Variants in SMYD4 observed in about 807,000 individuals in gnomAD.
SMYD4 encodes the protein SET and MYND domain containing 4, also known as protein-lysine N-methyltransferase SMYD4.
In SMYD4, 68 loss-of-function variants were observed where a neutral mutation model predicts 72.8. The observed-to-expected ratio is 0.93, with a 90% CI of 0.77 to 1.14. SMYD4 has a LOEUF of 1.14. SMYD4 is among the 50% of genes most tolerant of loss of function. The pLI is 0.00. For synonymous variants in SMYD4, 407 were observed against 388.6 expected (o/e 1.05, Z -0.56); for missense variants, 984 against 1,003.7 (o/e 0.98, Z 0.27).
At chr17:1,783,323 C>A in intron 9 of SMYD4, 37 bp downstream of exon 9, 4 of 1,611,262 alleles carry the variant, frequency 2.5e-6, no homozygotes, top group Non-Finnish European at 3.4e-6. Context: ...CCACAGCAGA[C>A]TGTTCCCGAC....
At chr17:1,784,179 C>T (rs867487673) in intron 8 of SMYD4, 147 bp downstream of exon 8, 26 of 1,275,930 alleles carry the variant, frequency 2.0e-5, no homozygotes, top group Middle Eastern at 4.4e-4. Context: ...GGTTTGGACT[C>T]ACTGGCCTAT....
At chr17:1,816,434 A>G (rs1175249982) in intron 2 of SMYD4, among the ~76,000 whole-genome samples, 2 of 151,636 alleles carry the variant, frequency 1.3e-5, no homozygotes, top group Admixed American at 6.6e-5. Flanking sequence ...CCTGGCTAAC[A>G]AGGTGAAACC....
chr17:1,794,103 ATATTTT>A (rs1441033801), intron 5 of SMYD4, among the ~76,000 whole-genome samples: 2 of 14,790 alleles, frequency 1.4e-4, no homozygotes, highest in African/African-American at 4.4e-4. Flanking sequence ...ATATATATAT[ATATTTT>A]TTTTTTTTTT....
chr17:1,799,970 G>C lies in SMYD4; in HGVS notation c.1424C>G (p.Ala475Gly). Reference sequence around the variant, plus strand: ...AGGACACAATTCAGGTGTCACTGCTGCTTTAAGCTGAGAGGAGTTCACAAT... The same window carrying C: ...AGGACACAATTCAGGTGTCACTGCTCCTTTAAGCTGAGAGGAGTTCACAAT... ...ERIVNSSQLK[A>G]AVTPELCPDV... Residue 475 changes from alanine (A) to glycine (G), a missense_variant, in exon 5 of 11, where the codon GCA becomes GGA. By Grantham distance (60) the Ala-to-Gly change is moderately conservative. Coordinates refer to ENST00000305513, the MANE Select transcript of SMYD4 (RefSeq NM_052928.3). 1 of 1,614,128 alleles carries C rather than the reference G, an allele frequency of 6.2e-7. No homozygotes were observed. Among genetic ancestry groups the C allele is most frequent in the Non-Finnish European group, 8.5e-7 (1 of 1,180,014 alleles).
intron 10 of SMYD4, 182 bp downstream of exon 10, chr17:1,782,853 G>A (rs972601019): frequency 6.8e-5 from 60 of 883,930 alleles, no homozygotes; most frequent in Admixed American, 7.5e-5. Flanking sequence ...TGCAAGCTCC[G>A]CCTCCCAGGA....
chr17:1,797,399 ATC>A (rs1290831484), intron 5 of SMYD4, among the ~76,000 whole-genome samples: 1 of 152,246 alleles, frequency 6.6e-6, no homozygotes, highest in African/African-American at 2.4e-5. Context: ...TAATAGTTGT[ATC>A]TGTTGTCAGC....
At chr17:1,790,201 A>C (rs899775987) in intron 5 of SMYD4, among the ~76,000 whole-genome samples, 1 of 152,240 alleles carries the variant, frequency 6.6e-6, no homozygotes, top group Non-Finnish European at 1.5e-5. Flanking sequence ...TCCAGAAAAG[A>C]ATGATCACAC....
intron 2 of SMYD4, among the ~76,000 whole-genome samples, chr17:1,819,464 G>T (rs116143268): frequency 6.6e-6 from 1 of 152,206 alleles, no homozygotes; most frequent in Admixed American, 6.5e-5. Flanking sequence ...AGCTAAGTTT[G>T]GTCACTTACT....
In SMYD4 at chr17:1,800,686, G is replaced by A; in HGVS notation, c.708C>T (p.Gly236=). The part of the protein sequence containing the change: ...EQLSNASSSI[G]LCVDPLKGRC... ...GACCTTTTAAAGGATCTACGCATAAGCCGATGGATGATGAGGCATTGGAAA... is the reference window on the plus strand; with the variant it reads ...GACCTTTTAAAGGATCTACGCATAAACCGATGGATGATGAGGCATTGGAAA... Residue 236 remains glycine, a synonymous_variant, in exon 5 of 11, where the codon GGC becomes GGT. Coordinates refer to ENST00000305513, the MANE Select transcript of SMYD4 (RefSeq NM_052928.3). 2 of 1,614,182 alleles carry A rather than the reference G, an allele frequency of 1.2e-6. No individual in the cohort carries two copies. Among genetic ancestry groups the A allele is most frequent in the East Asian group, 2.2e-5 (1 of 44,878 alleles).
chr17:1,794,035 A>T (rs865872768), intron 5 of SMYD4, among the ~76,000 whole-genome samples: 1 of 37,692 alleles, frequency 2.7e-5, no homozygotes, highest in Non-Finnish European at 8.8e-5. Flanking sequence ...GTATATATAT[A>T]TGTATGTATA....
At position 1,781,364 on chromosome 17, in the gene SMYD4, G is replaced by A. The variant is rs748416369; in HGVS notation, c.2337C>T (p.Asp779=). Residue 779 remains aspartate, a synonymous_variant, in exon 11 of 11, where the codon GAC becomes GAT. Transcript: ENST00000305513. ...TCTTCTGGAGCTCCTGGATTTCATC[G>A]TCCCATGGGCCACAGTGCAGCGACA... ...EVLSLHCGPW[D]DEIQELQKMK... 4.6e-5 allele frequency: 75 copies of A among 1,614,002 alleles called. No individual in the cohort carries two copies. Among genetic ancestry groups the A allele is most frequent in the Admixed American group, 1.7e-4 (10 of 59,992 alleles).
Position 1,783,435 on chromosome 17 carries a change from C to T in SMYD4, c.2062G>A (p.Glu688Lys), listed in dbSNP as rs764044098. 30 of 1,612,344 alleles carry T rather than the reference C, an allele frequency of 1.9e-5. No individual in the cohort carries two copies. In the Middle Eastern group the frequency reaches 5.5e-4, roughly 29 times the overall value. ...QRLSGCQRDA[E>K]SFLWAEHAVV... ...GCGTGCTCTGCCCACAGGAAGCTCT[C>T]GGCGTCACGCTGGCACCCCGACAGC... Residue 688 changes from glutamate to lysine, a missense_variant, in exon 9 of 11, where the codon GAG (glutamate) becomes AAG (lysine). Coordinates refer to ENST00000305513, the MANE Select transcript of SMYD4 (RefSeq NM_052928.3).
chr17:1,794,841 T>G (rs569507019), intron 5 of SMYD4, among the ~76,000 whole-genome samples: 1 of 152,078 alleles, frequency 6.6e-6, no homozygotes, highest in Non-Finnish European at 1.5e-5. Flanking sequence ...GGTATGAAAC[T>G]GATTAGGTTA....
chr17:1,780,926 AT>A lies in SMYD4; in HGVS notation c.*359del, dbSNP rs916637775. 2.7e-3 allele frequency: 300 copies of A among 109,814 alleles called. No homozygotes were observed. The highest frequency in any genetic ancestry group is 0.012 in the Middle Eastern group (2 of 168). The allele number at this position is 109,814 out of a possible 1,614,324, so 6.8% of individuals were successfully genotyped here. On this transcript the variant is annotated 3_prime_UTR_variant, in exon 11 of 11. Transcript: ENST00000305513. The stretch of plus-strand genomic sequence containing the variant: ...CTTGAGCCACCGCACCCGGCCTCTT[AT>A]TTTTTTTTTTGAGATGGAGTCTCAC...
chr17:1,789,206 G>A lies in SMYD4; in HGVS notation c.1538-1602C>T, dbSNP rs1430833830. ...AGTTCGAGAGTAGCCTGGCCAAAAT[G>A]GCAAAACCCTGTCTCTACTAAAAAC... On this transcript the variant is annotated intron_variant, in intron 5 of 10. Coordinates refer to ENST00000305513, the MANE Select transcript of SMYD4 (RefSeq NM_052928.3). Among the ~76,000 whole-genome samples, 3 of 151,690 alleles carry A rather than the reference G, an allele frequency of 2.0e-5. No homozygotes were observed. The East Asian group carries it at 5.8e-4, about 29-fold the overall frequency.
At chr17:1,789,764 C>CCAAAAAAAAAAT (rs71150816) in intron 5 of SMYD4, among the ~76,000 whole-genome samples, 1 of 90,098 alleles carries the variant, frequency 1.1e-5, no homozygotes, top group Non-Finnish European at 2.4e-5. Flanking sequence ...GACTCTGTCT[C>CCAAAAAAAAAAT]AAAAAAAAAA....
intron 5 of SMYD4, among the ~76,000 whole-genome samples, chr17:1,797,555 G>T (rs1329541655): frequency 6.6e-6 from 1 of 152,210 alleles, no homozygotes; most frequent in East Asian, 1.9e-4. Context: ...GGCCCCTTGA[G>T]GTTTGGCCAC....
rs139015002 is a variant in SMYD4, at chr17:1,813,693, G to C, written c.135-1578C>G. Among the ~76,000 whole-genome samples, 51 of 152,222 alleles carry C rather than the reference G, an allele frequency of 3.4e-4. 1 individual carries two copies. The East Asian group carries it at 9.7e-3, about 29-fold the overall frequency. ...GGCCTCCCAAAGTGCTAGATCACAG[G>C]TGTGAGCCACTGTGCCTGGCCTCTT... On this transcript the variant is annotated intron_variant, in intron 2 of 10. Transcript: ENST00000305513.
chr17:1,795,448 C>CTA (rs1555575940), intron 5 of SMYD4, among the ~76,000 whole-genome samples: 1 of 121,488 alleles, frequency 8.2e-6, no homozygotes, highest in African/African-American at 3.0e-5. Context: ...TCTATCTAAT[C>CTA]ATCTATCTAT....
Sources: gnomAD v4.1 joint callset for allele counts (sites outside exome capture counted in the v4.1 genomes callset) on GRCh38, gnomAD v4.1.1 for gene constraint, MANE v1.5 for transcripts, NCBI Gene and HGNC (gene_info 2026-07-23, HGNC 2026-07-21) for gene names.